Variants in NLGN4X observed in about 807,000 individuals in gnomAD.
NLGN4X encodes the protein neuroligin-4, X-linked.
In NLGN4X, 3 loss-of-function variants were observed where a neutral mutation model predicts 40.3. The observed-to-expected ratio is 0.07, with a 90% CI of 0.03 to 0.19. NLGN4X has a LOEUF of 0.19. Ranked by LOEUF, NLGN4X falls within the 10% of genes least tolerant of loss-of-function variation. The pLI is 1.00. For missense variants in NLGN4X, 382 were observed against 708.3 expected (o/e 0.54, Z 5.23); for synonymous variants, 270 against 306.8 (o/e 0.88, Z 1.25).
intron 2 of NLGN4X, among the ~76,000 whole-genome samples, chrX:6,127,617 A>C (rs1602280314): frequency 8.9e-6 from 1 of 112,480 alleles, no homozygotes; most frequent in East Asian, 2.8e-4. Flanking sequence ...TCAAAAGAAA[A>C]AAAAGAATAC....
chrX:6,144,726 CTG>C (rs1488660672), intron 2 of NLGN4X, among the ~76,000 whole-genome samples: 1 of 111,634 alleles, frequency 9.0e-6, no homozygotes, highest in Non-Finnish European at 1.9e-5. Flanking sequence ...TGGAGGGTCT[CTG>C]TTAATATATA....
intron 3 of NLGN4X, among the ~76,000 whole-genome samples, chrX:5,938,839 C>A (rs2033815683): frequency 9.0e-6 from 1 of 111,262 alleles, no homozygotes; most frequent in Admixed American, 9.6e-5. Flanking sequence ...TGAAATATAT[C>A]AGTAATTAAT....
At chrX:6,184,517 A>G (rs747096140) in intron 1 of NLGN4X, among the ~76,000 whole-genome samples, 7 of 105,166 alleles carry the variant, frequency 6.7e-5, no homozygotes, top group African/African-American at 2.1e-4. Flanking sequence ...TTCTGTACAT[A>G]TATATGAGAT....
chrX:6,200,316 C>T (rs1923475441), intron 1 of NLGN4X, among the ~76,000 whole-genome samples: 1 of 111,550 alleles, frequency 9.0e-6, no homozygotes, highest in African/African-American at 3.3e-5. Context: ...AGGGTGGAAC[C>T]CACTTTAAAT....
chrX:6,100,820 T>C (rs1446447819), intron 2 of NLGN4X, among the ~76,000 whole-genome samples: 5 of 112,008 alleles, frequency 4.5e-5, no homozygotes, highest in African/African-American at 6.5e-5. Flanking sequence ...TCTTGGAGTT[T>C]ATATTCTGAA....
Position 6,175,655 on chromosome X carries a change from G to GAAAA in NLGN4X, c.-305-23888_-305-23885dup, listed in dbSNP as rs3045369. Among the ~76,000 whole-genome samples the GAAAA allele has an allele frequency of 3.3e-3, 202 of 60,989 alleles. 14 individuals are homozygous for GAAAA. Among genetic ancestry groups the GAAAA allele is most frequent in the African/African-American group, 9.6e-3 (146 of 15,225 alleles). 53.0% of individuals were successfully genotyped at this position (60,989 alleles called of 115,157 possible). On this transcript the variant is annotated intron_variant, in intron 1 of 5. Coordinates refer to ENST00000381095, the MANE Select transcript of NLGN4X (RefSeq NM_181332.3). ...TCAAGTTATATCATTATCTATTACA[G>GAAAA]AAAAAAAAAAAAAAAAAACAAGATA...
chrX:6,098,712 C>T (rs2038839192), intron 2 of NLGN4X, among the ~76,000 whole-genome samples: 1 of 111,632 alleles, frequency 9.0e-6, no homozygotes, highest in Non-Finnish European at 1.9e-5. Context: ...CCTGACTGCA[C>T]TGGGCTCCTT....
At chrX:6,186,002 G>A (rs1921977308) in intron 1 of NLGN4X, among the ~76,000 whole-genome samples, 1 of 112,560 alleles carries the variant, frequency 8.9e-6, no homozygotes, top group African/African-American at 3.2e-5. Flanking sequence ...CTTGCTCTGT[G>A]TTTAAGAGTT....
At chrX:5,966,959 T>C (rs904499006) in intron 3 of NLGN4X, among the ~76,000 whole-genome samples, 1 of 112,120 alleles carries the variant, frequency 8.9e-6, no homozygotes, top group Non-Finnish European at 1.9e-5. Context: ...ATCATTTCCA[T>C]TTCTACTATT....
intron 3 of NLGN4X, among the ~76,000 whole-genome samples, chrX:5,939,817 A>G (rs1467247421): frequency 8.9e-6 from 1 of 112,066 alleles, no homozygotes; most frequent in Non-Finnish European, 1.9e-5. Context: ...TGGTTTACTT[A>G]GCAACACTAA....
intron 2 of NLGN4X, among the ~76,000 whole-genome samples, chrX:6,140,712 G>A (rs1482228871): frequency 9.4e-6 from 1 of 106,442 alleles, no homozygotes; most frequent in Admixed American, 1.0e-4. Flanking sequence ...CAAGTAGCTG[G>A]GACTACAGGC....
At chrX:5,915,913 T>C (rs924532930) in intron 3 of NLGN4X, among the ~76,000 whole-genome samples, 4 of 112,257 alleles carry the variant, frequency 3.6e-5, no homozygotes, top group African/African-American at 9.7e-5. Context: ...TCTCATTCAA[T>C]TGGCTGTCAC....
chrX:6,094,343 A>G (rs1018980275), intron 2 of NLGN4X, among the ~76,000 whole-genome samples: 2 of 110,740 alleles, frequency 1.8e-5, no homozygotes, highest in Non-Finnish European at 3.8e-5. Context: ...AAAGAAGAAA[A>G]GCTAAAGATG....
Position 6,100,163 on chromosome X carries a change from C to A in NLGN4X, c.472+50832G>T, listed in dbSNP as rs190504891. Among the ~76,000 whole-genome samples the A allele has an allele frequency of 1.3e-4, 15 of 112,823 alleles. No homozygotes were observed. In the East Asian group the frequency reaches 3.9e-3, roughly 29 times the overall value. ...GCATGTCCTTAAGGCACAGATCGCT[C>A]ATGCTATTGTTTGTGGTTTAAGAAC... On this transcript the variant is annotated intron_variant, in intron 2 of 5. Coordinates refer to ENST00000381095, the MANE Select transcript of NLGN4X (RefSeq NM_181332.3).
At chrX:6,112,644 C>T (rs1181834026) in intron 2 of NLGN4X, among the ~76,000 whole-genome samples, 4 of 105,459 alleles carry the variant, frequency 3.8e-5, no homozygotes, top group Non-Finnish European at 5.8e-5. Flanking sequence ...AGTGCAATGG[C>T]GCGATCTCGG....
chrX:6,112,081 C>A lies in NLGN4X; in HGVS notation c.472+38914G>T, dbSNP rs192854206. Among the ~76,000 whole-genome samples the A allele has an allele frequency of 2.0e-4, 22 of 111,645 alleles. No homozygotes were observed. The East Asian group carries it at 6.2e-3, about 31-fold the overall frequency. ...TAATTTTGTTTTGCTGGTCTACCTT[C>A]TAGATAAAATAACTGCATGTTCAGT... On this transcript the variant is annotated intron_variant, in intron 2 of 5. Transcript: ENST00000381095.
chrX:6,146,775 A>G (rs1485232630), intron 2 of NLGN4X, among the ~76,000 whole-genome samples: 5 of 110,674 alleles, frequency 4.5e-5, no homozygotes, highest in African/African-American at 1.6e-4. Context: ...TGAAAATACA[A>G]TGATAATGAG....
chrX:5,985,704 G>A (rs968703813), intron 3 of NLGN4X, among the ~76,000 whole-genome samples: 5 of 111,868 alleles, frequency 4.5e-5, no homozygotes, highest in Non-Finnish European at 9.4e-5. Context: ...AATATCAGTG[G>A]ATCTGCGGTT....
intron 2 of NLGN4X, among the ~76,000 whole-genome samples, chrX:6,122,866 T>C (rs890789674): frequency 9.6e-6 from 1 of 104,441 alleles, no homozygotes; most frequent in African/African-American, 3.5e-5. Flanking sequence ...CAGACTGAAA[T>C]GGAAGGATAC....
Sources: gnomAD v4.1 joint callset for allele counts (sites outside exome capture counted in the v4.1 genomes callset) on GRCh38, gnomAD v4.1.1 for gene constraint, MANE v1.5 for transcripts, NCBI Gene and HGNC (gene_info 2026-07-23, HGNC 2026-07-21) for gene names.